Variants in BRD9 observed in about 807,000 individuals in gnomAD.
BRD9 encodes bromodomain containing 9, also known as bromodomain-containing protein 9.
BRD9 carries 47 observed loss-of-function variants against 68.7 expected under a neutral mutation model. That is an observed-to-expected ratio of 0.68 (90% CI 0.54 to 0.87). BRD9 has a LOEUF of 0.87. Among genes scored for constraint, BRD9 ranks in the 40% least tolerant of loss-of-function variants. The pLI is 0.00. For synonymous variants in BRD9, 313 were observed against 293.9 expected, an observed-to-expected ratio of 1.06 and a Z score of -0.67; for missense variants, 670 against 748.4, an observed-to-expected ratio of 0.90 and a Z score of 1.22.
chr5:890,551 C>T (rs1397754485), intron 3 of BRD9, among the ~76,000 whole-genome samples: 1 of 152,216 alleles, frequency 6.6e-6, no homozygotes, highest in African/African-American at 2.4e-5. Flanking sequence ...TGCCATCCTT[C>T]GCAGATGGTG....
intron 12 of BRD9, among the ~76,000 whole-genome samples, chr5:873,137 C>T (rs1241164207): frequency 6.6e-6 from 1 of 152,092 alleles, no homozygotes; most frequent in Admixed American, 6.5e-5. Flanking sequence ...TGCACTCCAG[C>T]CTGGGTGACA....
chr5:865,675 C>G, intron 14 of BRD9, 94 bp from the exon 15 acceptor site: 1 of 1,331,064 alleles, frequency 7.5e-7, no homozygotes. Context: ...ACAGGCCTCT[C>G]TGCTCAGGAC....
intron 12 of BRD9, 72 bp downstream of exon 12, chr5:876,029 G>T: frequency 1.9e-6 from 2 of 1,064,052 alleles, no homozygotes; most frequent in Non-Finnish European, 2.8e-6. Context: ...AGCCTGGTCA[G>T]GCTGCAGGCT....
At position 887,309 on chromosome 5, in the gene BRD9, G is replaced by C; in HGVS notation, c.717+52C>G. 6.8e-6 allele frequency: 10 copies of C among 1,473,420 alleles called. No individual in the cohort carries two copies. The South Asian group carries it at 6.8e-5, about 10-fold the overall frequency. 91.3% of individuals were successfully genotyped at this position (1,473,420 alleles called of 1,614,324 possible). A position where few individuals can be genotyped will look rare whatever the true frequency, so the allele number is the denominator to read the frequency against. ...AGGCTCCCTTCGGGCACAAGCGACGGGGGGCAGAGCCCCTGCTTTCCGTAG... is the reference window on the plus strand; with the variant it reads ...AGGCTCCCTTCGGGCACAAGCGACGCGGGGCAGAGCCCCTGCTTTCCGTAG... On this transcript the variant is annotated intron_variant, in intron 6 of 15. Transcript: ENST00000467963.
At chr5:865,768 G>T in intron 14 of BRD9, 187 bp from the exon 15 acceptor site, 1 of 594,880 alleles carries the variant, frequency 1.7e-6, no homozygotes. Context: ...CCTTAGCAGT[G>T]AGTGAAGGGA....
At chr5:884,694 T>A (rs1460890336) in intron 7 of BRD9, among the ~76,000 whole-genome samples, 1 of 152,272 alleles carries the variant, frequency 6.6e-6, no homozygotes, top group African/African-American at 2.4e-5. Flanking sequence ...TGCCTGGGCA[T>A]GGGTCTGAGT....
chr5:881,805 A>G (rs1487608601), intron 8 of BRD9: 1 of 154,122 alleles, frequency 6.5e-6, no homozygotes, highest in Non-Finnish European at 1.4e-5. Flanking sequence ...GGATCCATGC[A>G]AAGTCTCAGA....
intron 12 of BRD9, among the ~76,000 whole-genome samples, chr5:871,814 G>A (rs1430961747): frequency 3.3e-5 from 5 of 152,224 alleles, no homozygotes; most frequent in East Asian, 3.8e-4. Context: ...TCCACAGGGC[G>A]AGATGGAGCG....
intron 11 of BRD9, among the ~76,000 whole-genome samples, chr5:877,542 GT>G (rs1363283758): frequency 5.3e-5 from 8 of 152,276 alleles, no homozygotes; most frequent in African/African-American, 1.9e-4. Flanking sequence ...GCAAAATTAA[GT>G]TGCTTTCTCC....
chr5:865,435 C>G lies in BRD9; in HGVS notation c.1672G>C (p.Glu558Gln). The G allele has an allele frequency of 6.3e-7, 1 of 1,587,714 alleles. No individual in the cohort carries two copies. Among genetic ancestry groups the G allele is most frequent in the Non-Finnish European group, 8.6e-7 (1 of 1,163,378 alleles). ...SNLSSLSNAS[E>Q]RDQHHLGSPS... ...TCACCCAGGTGGTGCTGGTCCCTCT[C>G]GGAGGCGTTGGACAGGGAGCTGAGG... Residue 558 changes from glutamate to glutamine, a missense_variant, in exon 15 of 16, where the codon GAG becomes CAG. Coordinates refer to ENST00000467963, the MANE Select transcript of BRD9 (RefSeq NM_023924.5).
chr5:878,202 G>C (rs1445829719), intron 11 of BRD9, among the ~76,000 whole-genome samples, 153 bp downstream of exon 11: 3 of 152,232 alleles, frequency 2.0e-5, no homozygotes, highest in Non-Finnish European at 4.4e-5. Context: ...GACCTGTGTG[G>C]ATGACTGAAA....
intron 14 of BRD9, chr5:866,196 G>C (rs1393750934): frequency 6.6e-6 from 1 of 152,268 alleles, no homozygotes; most frequent in Non-Finnish European, 1.5e-5. Context: ...ACAATGCCTG[G>C]GGAAGGTCCC....
intron 11 of BRD9, among the ~76,000 whole-genome samples, chr5:877,088 G>A (rs1004443525): frequency 6.6e-6 from 1 of 152,232 alleles, no homozygotes; most frequent in African/African-American, 2.4e-5. Context: ...CATGGAACCT[G>A]ATGCGTTCTA....
chr5:892,610 G>C lies in BRD9; in HGVS notation c.48C>G (p.Tyr16Ter). Residue 16 changes from tyrosine (Y) to a stop codon, truncating the protein, a stop_gained, in exon 1 of 16, where the codon TAC (tyrosine) becomes TAG (stop). Transcript: ENST00000467963. LOFTEE classifies it high-confidence loss of function. Reference protein sequence around the residue: ...KKHKAEWRSSYEDYADKPLEK... With the variant: ...KKHKAEWRSS ...CACAAAGCGCCGCCGCCTCACCCTC[G>C]TAGGACGAGCGCCACTCGGCCTTGT... The C allele has an allele frequency of 1.3e-6, 2 of 1,530,966 alleles. No homozygotes were observed. Among genetic ancestry groups the C allele is most frequent in the Non-Finnish European group, 1.8e-6 (2 of 1,138,300 alleles). The allele number at this position is 1,530,966 out of a possible 1,614,324, so 94.8% of individuals were successfully genotyped here.
Position 887,228 on chromosome 5 carries a change from A to G in BRD9, c.717+133T>C. The G allele has an allele frequency of 5.4e-6, 4 of 743,562 alleles. No individual in the cohort carries two copies. In the South Asian group the frequency reaches 6.7e-5, roughly 12 times the overall value. 46.1% of individuals were successfully genotyped at this position (743,562 alleles called of 1,614,324 possible). A position where few individuals can be genotyped will look rare whatever the true frequency, so the allele number is the denominator to read the frequency against. ...GGGCGGCCGGGGACGTCTACCCTAG[A>G]GCAAAGGGGGCAACACCATGAGGGT... On this transcript the variant is annotated intron_variant, in intron 6 of 15. Coordinates refer to ENST00000467963, the MANE Select transcript of BRD9 (RefSeq NM_023924.5).
chr5:867,797 G>A lies in BRD9; in HGVS notation c.1526-2216C>T, dbSNP rs867959893. On this transcript the variant is annotated intron_variant, in intron 14 of 15. Transcript: ENST00000467963. ...TTGTTTTGGATTTTACAGGCTCACA[G>A]GCAGAAGTAACTTGCCTTGTCTCAG... Among the ~76,000 whole-genome samples, 3 of 152,344 alleles carry A rather than the reference G, an allele frequency of 2.0e-5. No homozygotes were observed. The South Asian group carries it at 6.2e-4, about 32-fold the overall frequency.
intron 2 of BRD9, 110 bp from the exon 3 acceptor site, chr5:891,397 C>T (rs896454454): frequency 1.4e-6 from 2 of 1,426,030 alleles, no homozygotes; most frequent in Admixed American, 5.1e-5. Context: ...AGGGAAACCC[C>T]CTCCGAGATC....
At chr5:875,638 T>G (rs895465913) in intron 12 of BRD9, among the ~76,000 whole-genome samples, 7 of 152,168 alleles carry the variant, frequency 4.6e-5, no homozygotes, top group Non-Finnish European at 1.0e-4. Flanking sequence ...TGAGCCACCA[T>G]GCTTGGCCCA....
In BRD9 at chr5:889,661, G is replaced by GA. The variant is rs747777302; in HGVS notation, c.401-15dup. 2.0e-4 allele frequency: 318 copies of GA among 1,602,204 alleles called. 1 individual carries two copies. Among genetic ancestry groups the GA allele is most frequent in the South Asian group, 4.7e-4 (43 of 90,778 alleles). On this transcript the variant is annotated splice_polypyrimidine_tract_variant and intron_variant, in intron 3 of 15. Coordinates refer to ENST00000467963, the MANE Select transcript of BRD9 (RefSeq NM_023924.5). ...TCTCATTTTCGGCTGACAATTTAAG[G>GA]AAAAAAAAATTGAATACAAGACTTT...
Sources: allele counts gnomAD v4.1 joint callset (sites outside exome capture counted in the v4.1 genomes callset), GRCh38; gene constraint gnomAD v4.1.1; transcripts MANE v1.5; gene names NCBI Gene and HGNC (gene_info 2026-07-23, HGNC 2026-07-21).